Variants in GRID1 observed in about 807,000 individuals in gnomAD.
The protein encoded by GRID1 is glutamate receptor ionotropic, delta-1.
Under a neutral mutation model 98.0 loss-of-function variants are expected in GRID1, and 28 were observed. The observed-to-expected ratio is 0.29, with a 90% confidence interval of 0.21 to 0.39. The LOEUF is 0.39. GRID1 is among the 10% of genes least tolerant of loss of function. The probability of loss-of-function intolerance (pLI) is 1.00; values close to 1 mark genes in which losing one functional copy is unlikely to be tolerated. For synonymous variants in GRID1, 553 were observed against 538.5 expected, an observed-to-expected ratio of 1.03 and a Z score of -0.37; for missense variants, 1,111 against 1,340.5, an observed-to-expected ratio of 0.83 and a Z score of 2.67.
At chr10:86,266,286 C>T (rs1442028664) in intron 2 of GRID1, among the ~76,000 whole-genome samples, 2 of 152,086 alleles carry the variant, frequency 1.3e-5, no homozygotes, top group African/African-American at 2.4e-5. Flanking sequence ...GCACCAGTGA[C>T]GCCATCAGAA....
chr10:85,625,087 T>C (rs1842895035), intron 13 of GRID1, among the ~76,000 whole-genome samples: 1 of 152,246 alleles, frequency 6.6e-6, no homozygotes, highest in Non-Finnish European at 1.5e-5. Flanking sequence ...ACGGTATTAT[T>C]ACTGTTGTGT....
chr10:86,042,116 G>A (rs1361703654), intron 4 of GRID1, among the ~76,000 whole-genome samples: 1 of 152,224 alleles, frequency 6.6e-6, no homozygotes, highest in Non-Finnish European at 1.5e-5. Context: ...GAAACTGGGA[G>A]GGTCTCCAGA....
intron 8 of GRID1, among the ~76,000 whole-genome samples, chr10:85,737,477 A>G (rs941813534): frequency 6.6e-6 from 1 of 151,728 alleles, no homozygotes; most frequent in Non-Finnish European, 1.5e-5. Flanking sequence ...CCAGGCCACA[A>G]TGGTCTCAGT....
At chr10:86,145,547 T>TACACACACACACACATACACAC (rs920900306) in intron 3 of GRID1, among the ~76,000 whole-genome samples, 12,348 of 145,376 alleles carry the variant, frequency 0.085, 630 homozygotes, top group African/African-American at 0.14. Flanking sequence ...ATCCTCCACA[T>TACACACACACACACATACACAC]ACACACACAC....
At chr10:85,765,154 G>A (rs1456027665) in intron 8 of GRID1, among the ~76,000 whole-genome samples, 1 of 152,106 alleles carries the variant, frequency 6.6e-6, no homozygotes, top group Admixed American at 6.6e-5. Flanking sequence ...TGAAACTGAG[G>A]CTCATAGAAG....
chr10:85,668,328 G>A (rs1011278955), intron 12 of GRID1, among the ~76,000 whole-genome samples: 1 of 152,156 alleles, frequency 6.6e-6, no homozygotes, highest in Non-Finnish European at 1.5e-5. Flanking sequence ...GTGTTTGTGT[G>A]TATATGTGTG....
chr10:86,029,310 G>T (rs775823173), intron 4 of GRID1, among the ~76,000 whole-genome samples: 3 of 152,148 alleles, frequency 2.0e-5, no homozygotes, highest in African/African-American at 7.2e-5. Context: ...GCTCTAAGAA[G>T]ATTCTGTCAA....
chr10:86,227,745 A>T (rs1184232164), intron 2 of GRID1, among the ~76,000 whole-genome samples: 1 of 151,982 alleles, frequency 6.6e-6, no homozygotes, highest in Non-Finnish European at 1.5e-5. Flanking sequence ...CTCCCCTCCC[A>T]AGGTGAGCTC....
chr10:85,904,265 G>T (rs866905791), intron 5 of GRID1, among the ~76,000 whole-genome samples: 2 of 152,156 alleles, frequency 1.3e-5, no homozygotes, highest in African/African-American at 4.8e-5. Flanking sequence ...TAGTTTGCAA[G>T]ACACTGGAAA....
At chr10:86,140,324 C>T (rs1327592276) in intron 3 of GRID1, among the ~76,000 whole-genome samples, 1 of 152,266 alleles carries the variant, frequency 6.6e-6, no homozygotes, top group African/African-American at 2.4e-5. Flanking sequence ...CTGGCCCATG[C>T]AGTCACCAAG....
Position 85,602,775 on chromosome 10 carries a change from G to A in GRID1, c.2602-74C>T, listed in dbSNP as rs1376135734. On this transcript the variant is annotated intron_variant, in intron 15 of 15. Coordinates refer to ENST00000327946, the MANE Select transcript of GRID1 (RefSeq NM_017551.3). ...AGGCTGGCTTGCTACAGCTCTGGAT[G>A]TCTGTAGTCACCAGGCCTGGTCAGC... The A allele has an allele frequency of 5.4e-6, 6 of 1,115,796 alleles. No individual in the cohort carries two copies. In the East Asian group the frequency reaches 1.5e-4, roughly 28 times the overall value. The allele number at this position is 1,115,796 out of a possible 1,614,324, so 69.1% of individuals were successfully genotyped here.
intron 3 of GRID1, among the ~76,000 whole-genome samples, chr10:86,196,836 T>A (rs1845880536): frequency 2.6e-5 from 4 of 152,094 alleles, no homozygotes. Context: ...GGCTTTGCCT[T>A]TGCACATACT....
chr10:86,016,572 C>G (rs1842983848), intron 4 of GRID1, among the ~76,000 whole-genome samples: 1 of 152,208 alleles, frequency 6.6e-6, no homozygotes, highest in South Asian at 2.1e-4. Flanking sequence ...TATCCCCCAG[C>G]AGCCGAGAAC....
rs561036785 is a variant in GRID1 at position 86,030,747 on chromosome 10, A to G, written c.726+108072T>C. 2.3e-3 allele frequency among the ~76,000 whole-genome samples: 343 copies of G among 152,356 alleles called. 1 individual carries two copies. The highest frequency in any genetic ancestry group is 4.0e-3 in the Non-Finnish European group (271 of 68,030). On this transcript the variant is annotated intron_variant, in intron 4 of 15. Transcript: ENST00000327946. ...AGATAGTAAGGGTATGGGAGTCCTC[A>G]GTAAGGCTTTCCTTTTGAATGAAAG...
At chr10:86,160,263 C>T (rs1845302678) in intron 3 of GRID1, among the ~76,000 whole-genome samples, 1 of 152,158 alleles carries the variant, frequency 6.6e-6, no homozygotes, top group Non-Finnish European at 1.5e-5. Context: ...TGCCTGTCCT[C>T]CCTCCTGCTG....
intron 8 of GRID1, among the ~76,000 whole-genome samples, chr10:85,829,539 T>C (rs925771801): frequency 1.3e-5 from 2 of 152,156 alleles, no homozygotes; most frequent in Non-Finnish European, 2.9e-5. Flanking sequence ...ATTAATTCTA[T>C]ACCTAGAAAA....
intron 6 of GRID1, among the ~76,000 whole-genome samples, chr10:85,856,966 G>C (rs1337703013): frequency 6.6e-6 from 1 of 152,182 alleles, no homozygotes; most frequent in Non-Finnish European, 1.5e-5. Flanking sequence ...GGTGACTGTA[G>C]GGAGAAGGAC....
intron 4 of GRID1, among the ~76,000 whole-genome samples, chr10:86,060,357 T>C (rs1843632069): frequency 6.6e-6 from 1 of 152,166 alleles, no homozygotes; most frequent in African/African-American, 2.4e-5. Context: ...TTCCAGCATT[T>C]ATAGGAACTA....
intron 2 of GRID1, among the ~76,000 whole-genome samples, chr10:86,222,214 T>C (rs568763386): frequency 3.0e-4 from 46 of 152,258 alleles, no homozygotes; most frequent in Middle Eastern, 3.4e-3. Flanking sequence ...TGAGCCCTCT[T>C]GCCAGGTATG....
Sources: gnomAD v4.1 joint callset for allele counts (sites outside exome capture counted in the v4.1 genomes callset) on GRCh38, gnomAD v4.1.1 for gene constraint, MANE v1.5 for transcripts, NCBI Gene and HGNC (gene_info 2026-07-23, HGNC 2026-07-21) for gene names.